The following MYO1B variants were observed in gnomAD, a reference collection of about 807,000 sequenced individuals.
The protein encoded by MYO1B is myosin IB.
MYO1B carries 72 observed loss-of-function variants against 159.7 expected under a neutral mutation model. That is an observed-to-expected ratio of 0.45 (90% CI 0.37 to 0.55). The LOEUF is 0.55. MYO1B is among the 20% of genes least tolerant of loss of function. The pLI is 0.00. For missense variants in MYO1B, 1,062 were observed against 1,364.8 expected (o/e 0.78, Z 3.50); for synonymous variants, 468 against 473.8 (o/e 0.99, Z 0.16).
At chr2:191,290,157 G>C (rs1032915693) in intron 2 of MYO1B, among the ~76,000 whole-genome samples, 1 of 152,152 alleles carries the variant, frequency 6.6e-6, no homozygotes, top group Non-Finnish European at 1.5e-5. Flanking sequence ...AAGCCATGGG[G>C]CTCTTGGGTC....
intron 1 of MYO1B, among the ~76,000 whole-genome samples, chr2:191,255,316 G>A (rs1686371649): frequency 2.0e-5 from 3 of 152,278 alleles, no homozygotes; most frequent in South Asian, 2.1e-4. Context: ...AAATGGACAC[G>A]GATAAATATG....
At chr2:191,365,883 C>A (rs1346462708) in intron 11 of MYO1B, among the ~76,000 whole-genome samples, 1 of 152,206 alleles carries the variant, frequency 6.6e-6, no homozygotes, top group African/African-American at 2.4e-5. Context: ...AGTGGCAAAT[C>A]TGCACCAGTA....
At chr2:191,286,088 G>A (rs1688349764) in intron 2 of MYO1B, among the ~76,000 whole-genome samples, 1 of 152,100 alleles carries the variant, frequency 6.6e-6, no homozygotes, top group Non-Finnish European at 1.5e-5. Context: ...AATGTTTCCA[G>A]TTCTATTCCC....
intron 2 of MYO1B, among the ~76,000 whole-genome samples, chr2:191,285,435 C>G (rs987609199): frequency 2.0e-5 from 3 of 152,182 alleles, no homozygotes; most frequent in Admixed American, 6.5e-5. Context: ...GACAAACTTG[C>G]GGCCACCGTC....
Position 191,400,376 on chromosome 2 carries a change from C to T in MYO1B, c.2296-6C>T. 1 of 1,613,992 alleles carries T rather than the reference C, an allele frequency of 6.2e-7. No homozygotes were observed. The highest frequency in any genetic ancestry group is 1.1e-5 in the South Asian group (1 of 91,074). On this transcript the variant is annotated splice_polypyrimidine_tract_variant and splice_region_variant and intron_variant, in intron 21 of 30. Coordinates refer to ENST00000392318, the MANE Select transcript of MYO1B (RefSeq NM_001130158.3). Reference sequence around the variant, plus strand: ...ATTCTCTCTTTTGGGTGATTCTGCCCTTTAGGCTCGAAAAATTCTGCGGGA... The same window carrying T: ...ATTCTCTCTTTTGGGTGATTCTGCCTTTTAGGCTCGAAAAATTCTGCGGGA...
intron 9 of MYO1B, among the ~76,000 whole-genome samples, chr2:191,362,592 T>C (rs540490635): frequency 6.6e-6 from 1 of 152,358 alleles, no homozygotes; most frequent in South Asian, 2.1e-4. Flanking sequence ...GATTTTACCA[T>C]TTATCATAAG....
intron 1 of MYO1B, among the ~76,000 whole-genome samples, chr2:191,265,447 G>T (rs1441491677): frequency 6.6e-6 from 1 of 152,176 alleles, no homozygotes; most frequent in African/African-American, 2.4e-5. Flanking sequence ...CTTTGTTGAG[G>T]ATCTTAGCAC....
chr2:191,337,085 C>T (rs1460450259), intron 4 of MYO1B, among the ~76,000 whole-genome samples: 1 of 152,052 alleles, frequency 6.6e-6, no homozygotes, highest in Non-Finnish European at 1.5e-5. Context: ...ATTCTCAAGC[C>T]TTTTTTCCCC....
chr2:191,401,459 A>G (rs750491628), intron 23 of MYO1B: 1 of 152,242 alleles, frequency 6.6e-6, no homozygotes, highest in Non-Finnish European at 1.5e-5. Context: ...TTCAGAAACA[A>G]AGGCCTCCTG....
At chr2:191,307,682 C>T (rs1273419971) in intron 3 of MYO1B, among the ~76,000 whole-genome samples, 1 of 152,142 alleles carries the variant, frequency 6.6e-6, no homozygotes, top group Non-Finnish European at 1.5e-5. Flanking sequence ...CTTCAGACAC[C>T]AGCCATGAAT....
At chr2:191,260,802 T>G (rs2125689543) in intron 1 of MYO1B, among the ~76,000 whole-genome samples, 1 of 152,344 alleles carries the variant, frequency 6.6e-6, no homozygotes, top group South Asian at 2.1e-4. Flanking sequence ...GACCTTGTAC[T>G]CTTGACTCTA....
chr2:191,378,810 T>G (rs918098821), intron 13 of MYO1B, among the ~76,000 whole-genome samples: 1 of 152,032 alleles, frequency 6.6e-6, no homozygotes, highest in African/African-American at 2.4e-5. Flanking sequence ...GAACCTACAG[T>G]GGGAGAGATT....
intron 7 of MYO1B, among the ~76,000 whole-genome samples, chr2:191,359,949 T>C (rs1693558640): frequency 6.6e-6 from 1 of 152,208 alleles, no homozygotes; most frequent in African/African-American, 2.4e-5. Flanking sequence ...TGAAAAATTA[T>C]CTGGAGTCAA....
intron 1 of MYO1B, among the ~76,000 whole-genome samples, chr2:191,266,847 T>G (rs1687172129): frequency 6.6e-6 from 1 of 152,228 alleles, no homozygotes; most frequent in Admixed American, 6.5e-5. Flanking sequence ...TTTCTTCTAA[T>G]TAGTCTAGAT....
chr2:191,310,682 A>G (rs534865947), intron 3 of MYO1B, among the ~76,000 whole-genome samples: 49 of 152,352 alleles, frequency 3.2e-4, no homozygotes, highest in Non-Finnish European at 5.4e-4. Flanking sequence ...TGCTTGAATC[A>G]TTGGGAAGAC....
At position 191,282,667 on chromosome 2, in the gene MYO1B, T is replaced by C. The variant is rs535852406; in HGVS notation, c.135+5637T>C. Among the ~76,000 whole-genome samples the C allele has an allele frequency of 9.8e-5, 15 of 152,348 alleles. No homozygotes were observed. The South Asian group carries it at 2.3e-3, about 23-fold the overall frequency. ...AGATTATGTTGGGTGAAAAAACTAA[T>C]TTTCTTGTTCTAGAGTTGGAAGTAG... On this transcript the variant is annotated intron_variant, in intron 2 of 30. Transcript: ENST00000392318.
At chr2:191,404,542 C>T (rs1474329220) in intron 24 of MYO1B, among the ~76,000 whole-genome samples, 1 of 152,168 alleles carries the variant, frequency 6.6e-6, no homozygotes, top group Non-Finnish European at 1.5e-5. Context: ...GATCTGACAG[C>T]TCTGTGGCTA....
At chr2:191,267,968 T>G (rs1278762390) in intron 1 of MYO1B, among the ~76,000 whole-genome samples, 2 of 152,170 alleles carry the variant, frequency 1.3e-5, no homozygotes, top group Non-Finnish European at 2.9e-5. Flanking sequence ...ATGCATTTAT[T>G]TATTCATTTT....
chr2:191,408,578 C>T (rs966961412), intron 25 of MYO1B, among the ~76,000 whole-genome samples: 33 of 152,250 alleles, frequency 2.2e-4, no homozygotes, highest in African/African-American at 7.9e-4. Context: ...TGCAGCTCCA[C>T]CCACATGGAC....
Sources: allele counts gnomAD v4.1 joint callset (sites outside exome capture counted in the v4.1 genomes callset), GRCh38; gene constraint gnomAD v4.1.1; transcripts MANE v1.5; gene names NCBI Gene and HGNC (gene_info 2026-07-23, HGNC 2026-07-21).